DMXL1: variants seen among roughly 807,000 people sequenced by gnomAD.
The protein encoded by DMXL1 is Dmx like 1.
DMXL1 carries 99 observed loss-of-function variants against 319.2 expected under a neutral mutation model. That is an observed-to-expected ratio of 0.31 (90% CI 0.26 to 0.37). The LOEUF (loss-of-function observed/expected upper bound fraction) is 0.37. Ranked by LOEUF, DMXL1 falls within the 10% of genes least tolerant of loss-of-function variation. The pLI, the probability that DMXL1 is intolerant of heterozygous loss-of-function variation, is 1.00. For missense variants in DMXL1, 3,745 were observed against 3,595.6 expected, an observed-to-expected ratio of 1.04 and a Z score of -1.06; for synonymous variants, 1,385 against 1,235.2, an observed-to-expected ratio of 1.12 and a Z score of -2.54.
Position 119,203,422 on chromosome 5 carries a change from C to T in DMXL1, c.7849C>T (p.Arg2617Trp), listed in dbSNP as rs147140453. 8.8e-6 allele frequency: 14 copies of T among 1,596,106 alleles called. No individual in the cohort carries two copies. Among genetic ancestry groups the T allele is most frequent in the East Asian group, 6.8e-5 (3 of 44,282 alleles). Residue 2617 changes from arginine (R) to tryptophan (W), a missense_variant, in exon 33 of 44, where the codon CGG (arginine) becomes TGG (tryptophan). Physicochemically the swap from Arg to Trp is moderately radical, Grantham distance 101 (BLOSUM62 -3). Coordinates refer to ENST00000539542, the MANE Select transcript of DMXL1 (RefSeq NM_001290321.3). ...TATCAAAAATATATTCACAAAGAAACGGTGTCTAAATGAGGTCTGTATAAG... is the reference window on the plus strand; with the variant it reads ...TATCAAAAATATATTCACAAAGAAATGGTGTCTAAATGAGGTCTGTATAAG... ...TFIKNIFTKKRCLNESLEDNS... is the reference protein window; with the variant it reads ...TFIKNIFTKKWCLNESLEDNS...
chr5:119,202,864 C>CATAT (rs1265452902), intron 32 of DMXL1, among the ~76,000 whole-genome samples: 9 of 74,310 alleles, frequency 1.2e-4, no homozygotes, highest in Middle Eastern at 5.4e-3. Flanking sequence ...AATATACATA[C>CATAT]ATATATATAT....
intron 28 of DMXL1, among the ~76,000 whole-genome samples, chr5:119,179,079 G>A (rs1776341399): frequency 6.6e-6 from 1 of 152,006 alleles, no homozygotes; most frequent in African/African-American, 2.4e-5. Flanking sequence ...GGATTTCTAA[G>A]TGTTCATAAT....
At chr5:119,183,494 G>T (rs1484642457) in intron 28 of DMXL1, among the ~76,000 whole-genome samples, 2 of 152,076 alleles carry the variant, frequency 1.3e-5, no homozygotes, top group Non-Finnish European at 2.9e-5. Flanking sequence ...TCTTTGTGAG[G>T]CAGAGACTCG....
In DMXL1 at chr5:119,242,319, G is replaced by A. The variant is rs114956339; in HGVS notation, c.8704+1848G>A. 8.3e-3 allele frequency among the ~76,000 whole-genome samples: 1,256 copies of A among 152,214 alleles called. 13 individuals carry two copies. Among genetic ancestry groups the A allele is most frequent in the Non-Finnish European group, 0.011 (736 of 68,012 alleles). On this transcript the variant is annotated intron_variant, in intron 42 of 43. Transcript: ENST00000539542. ...GTACTAAATTCAGTTGCTTTTTGAT[G>A]CATCAACAATGAACAATTGCAATTT...
At chr5:119,089,309 T>TA (rs1754151233) in intron 1 of DMXL1, among the ~76,000 whole-genome samples, 1 of 107,622 alleles carries the variant, frequency 9.3e-6, no homozygotes, top group East Asian at 3.3e-4. Flanking sequence ...TTTTTTTTTT[T>TA]TTTTTTTTTT....
At chr5:119,099,052 G>C (rs1756627759) in intron 2 of DMXL1, among the ~76,000 whole-genome samples, 1 of 152,026 alleles carries the variant, frequency 6.6e-6, no homozygotes, top group Admixed American at 6.5e-5. Flanking sequence ...TGTTCTTTTT[G>C]TTACATGGTA....
intron 1 of DMXL1, 69 bp from the exon 2 acceptor site, chr5:119,097,910 A>C: frequency 7.8e-7 from 1 of 1,276,638 alleles, no homozygotes; most frequent in Non-Finnish European, 1.1e-6. Flanking sequence ...CATGATAGTT[A>C]ATACTAGTAT....
At chr5:119,086,411 G>A (rs1375543473) in intron 1 of DMXL1, among the ~76,000 whole-genome samples, 1 of 152,210 alleles carries the variant, frequency 6.6e-6, no homozygotes, top group African/African-American at 2.4e-5. Flanking sequence ...TTATCATGGT[G>A]AATGATCTTT....
At chr5:119,072,741 T>G (rs1045444235) in intron 1 of DMXL1, among the ~76,000 whole-genome samples, 1 of 152,226 alleles carries the variant, frequency 6.6e-6, no homozygotes, top group Admixed American at 6.5e-5. Context: ...TTTAGAATTG[T>G]GCCAAGAAGC....
chr5:119,151,879 T>C (rs1223946113), intron 18 of DMXL1, 50 bp from the exon 19 acceptor site: 2 of 1,275,576 alleles, frequency 1.6e-6, no homozygotes, highest in Non-Finnish European at 1.1e-6. Flanking sequence ...GGTGTTCTTT[T>C]GCTTACAATT....
intron 10 of DMXL1, among the ~76,000 whole-genome samples, chr5:119,131,577 C>T (rs372508077): frequency 2.1e-4 from 32 of 152,260 alleles, no homozygotes; most frequent in East Asian, 7.7e-4. Context: ...ATTTTAGTTC[C>T]AATTCCAATT....
intron 30 of DMXL1, among the ~76,000 whole-genome samples, chr5:119,195,882 C>G (rs112651603): frequency 1.2e-4 from 18 of 152,160 alleles, no homozygotes; most frequent in African/African-American, 4.3e-4. Context: ...TCTCTTTACT[C>G]TATCCAATTT....
chr5:119,118,648 AAAG>A (rs1216752739), intron 7 of DMXL1, among the ~76,000 whole-genome samples, 164 bp from the exon 8 acceptor site: 1 of 152,232 alleles, frequency 6.6e-6, no homozygotes, highest in African/African-American at 2.4e-5. Context: ...TCTAGGCAGA[AAAG>A]AAATAGGTTG....
At chr5:119,152,177 G>A (rs747726086) in intron 19 of DMXL1, 141 bp downstream of exon 19, 16 of 595,604 alleles carry the variant, frequency 2.7e-5, no homozygotes, top group Non-Finnish European at 4.0e-5. Context: ...TTGTTAAAAT[G>A]TTTATTTTGT....
At chr5:119,134,639 T>C (rs1467866108) in intron 13 of DMXL1, among the ~76,000 whole-genome samples, 2 of 152,326 alleles carry the variant, frequency 1.3e-5, no homozygotes, top group Non-Finnish European at 2.9e-5. Context: ...TCTTTACTCA[T>C]AGATAAATGA....
Position 119,133,973 on chromosome 5 carries a change from G to C in DMXL1, c.2049G>C (p.Leu683Phe), listed in dbSNP as rs558052816. The stretch of plus-strand genomic sequence containing the variant: ...CTCTAAATATTGAAGAATGCTCTTT[G>C]ACACAACAAAATAAAAGCACTGTTG... ...FDALNIEECS[L>F]TQQNKSTVDV... Residue 683 changes from leucine to phenylalanine, a missense_variant, in exon 12 of 44, where the codon TTG becomes TTC. Leu to Phe is a conservative substitution (Grantham distance 22). Around this residue, in one of 4 missense-constraint regions of DMXL1, gnomAD observed 2,096 missense variants for 1,985.4 expected, o/e 1.06. Coordinates refer to ENST00000539542, the MANE Select transcript of DMXL1 (RefSeq NM_001290321.3). 3 of 1,614,168 alleles carry C rather than the reference G, an allele frequency of 1.9e-6. No homozygotes were observed. The highest frequency in any genetic ancestry group is 1.7e-5 in the Admixed American group (1 of 60,026).
At chr5:119,138,747 G>A (rs746938119) in intron 13 of DMXL1, 2 of 152,252 alleles carry the variant, frequency 1.3e-5, no homozygotes, top group African/African-American at 4.8e-5. Flanking sequence ...TGAGGCAGGA[G>A]AATCACTTGA....
intron 15 of DMXL1, among the ~76,000 whole-genome samples, chr5:119,146,230 A>G (rs1768497062): frequency 3.3e-5 from 5 of 151,966 alleles, no homozygotes; most frequent in Admixed American, 3.3e-4. Context: ...AGTGAATAAT[A>G]GATTATAATG....
intron 28 of DMXL1, among the ~76,000 whole-genome samples, chr5:119,188,330 C>T (rs935210002): frequency 6.6e-6 from 1 of 151,952 alleles, no homozygotes; most frequent in South Asian, 2.1e-4. Flanking sequence ...GCTACTCAGG[C>T]GTCTGAGGTG....
Sources: gnomAD v4.1 joint callset for allele counts (sites outside exome capture counted in the v4.1 genomes callset) on GRCh38, gnomAD v4.1.1 for gene constraint, gnomAD v4.1.1 regional missense constraint, MANE v1.5 for transcripts, NCBI Gene and HGNC (gene_info 2026-07-23, HGNC 2026-07-21) for gene names.